Variants in ATRNL1 observed in about 807,000 individuals in gnomAD.
ATRNL1 encodes the protein attractin-like protein 1.
Under a neutral mutation model 182.7 loss-of-function variants are expected in ATRNL1, and 95 were observed. The observed-to-expected ratio is 0.52, with a 90% CI of 0.44 to 0.62. The LOEUF (loss-of-function observed/expected upper bound fraction) is 0.62. Ranked by LOEUF, ATRNL1 falls within the 20% of genes least tolerant of loss-of-function variation. The probability of loss-of-function intolerance (pLI) is 0.00; values close to 1 mark genes in which losing one functional copy is unlikely to be tolerated. For missense variants in ATRNL1, 1,471 were observed against 1,679.5 expected, an observed-to-expected ratio of 0.88 and a Z score of 2.17; for synonymous variants, 576 against 568.3, an observed-to-expected ratio of 1.01 and a Z score of -0.19.
At chr10:115,186,244 T>G (rs1237657430) in intron 8 of ATRNL1, among the ~76,000 whole-genome samples, 2 of 151,516 alleles carry the variant, frequency 1.3e-5, no homozygotes, top group Non-Finnish European at 2.9e-5. Context: ...AAGGGAGCCC[T>G]CATACATTAT....
intron 26 of ATRNL1, among the ~76,000 whole-genome samples, chr10:115,710,301 T>C (rs1459242953): frequency 6.6e-6 from 1 of 152,018 alleles, no homozygotes; most frequent in Non-Finnish European, 1.5e-5. Flanking sequence ...GCATAATAAA[T>C]AGAAAAGGGG....
intron 28 of ATRNL1, among the ~76,000 whole-genome samples, chr10:115,888,706 T>C (rs1952010236): frequency 6.6e-6 from 1 of 152,178 alleles, no homozygotes; most frequent in Non-Finnish European, 1.5e-5. Context: ...TAAACAGAAG[T>C]TGAATTTCAC....
chr10:115,592,314 G>C (rs186359217), intron 26 of ATRNL1, among the ~76,000 whole-genome samples: 4 of 152,120 alleles, frequency 2.6e-5, no homozygotes, highest in Non-Finnish European at 4.4e-5. Context: ...CTCCTGTAGA[G>C]ATCTAAAAGT....
At chr10:115,522,525 A>T (rs573901241) in intron 25 of ATRNL1, among the ~76,000 whole-genome samples, 1 of 152,208 alleles carries the variant, frequency 6.6e-6, no homozygotes, top group Admixed American at 6.5e-5. Flanking sequence ...ATGGGTATCA[A>T]ATTTCAATAT....
At chr10:115,723,828 C>CA (rs1555058901) in intron 26 of ATRNL1, among the ~76,000 whole-genome samples, 1 of 152,160 alleles carries the variant, frequency 6.6e-6, no homozygotes, top group Non-Finnish European at 1.5e-5. Context: ...AAAGTGCTTA[C>CA]AGGCGTGAGC....
At chr10:115,608,157 G>C (rs1380886918) in intron 26 of ATRNL1, among the ~76,000 whole-genome samples, 1 of 151,814 alleles carries the variant, frequency 6.6e-6, no homozygotes, top group Non-Finnish European at 1.5e-5. Context: ...AGTTTTTAAG[G>C]ACATGGTAAT....
chr10:115,171,126 A>G lies in ATRNL1; in HGVS notation c.1182A>G (p.Ser394=). The G allele has an allele frequency of 6.2e-7, 1 of 1,610,566 alleles. No individual in the cohort carries two copies. The highest frequency in any genetic ancestry group is 1.1e-5 in the South Asian group (1 of 90,698). ...ELWVFNIHSQ[S]WSTKTPTVLG... ...GGGTTTTTAACATACATAGTCAGTC[A>G]TGGAGTACAAAAACTCCTACTGTTC... The change falls in exon 8 of 29, where the codon TCA becomes TCG. Residue 394 remains serine (S), a synonymous_variant. Transcript: ENST00000355044.
intron 13 of ATRNL1, among the ~76,000 whole-genome samples, chr10:115,277,100 T>A (rs1852139220): frequency 6.6e-6 from 1 of 152,018 alleles, no homozygotes; most frequent in Non-Finnish European, 1.5e-5. Context: ...TTTAGAACTA[T>A]ACTGTAATGA....
At chr10:115,594,396 C>T (rs1260111250) in intron 26 of ATRNL1, among the ~76,000 whole-genome samples, 2 of 152,092 alleles carry the variant, frequency 1.3e-5, no homozygotes, top group African/African-American at 2.4e-5. Flanking sequence ...TAAACTTGCT[C>T]AAGGACTCAG....
intron 19 of ATRNL1, among the ~76,000 whole-genome samples, chr10:115,348,111 C>G (rs530842677): frequency 1.3e-5 from 2 of 152,012 alleles, no homozygotes; most frequent in African/African-American, 2.4e-5. Context: ...GTAGCTGGGA[C>G]GACAGGCACG....
At chr10:115,611,521 A>G (rs1294981398) in intron 26 of ATRNL1, among the ~76,000 whole-genome samples, 1 of 152,170 alleles carries the variant, frequency 6.6e-6, no homozygotes, top group East Asian at 1.9e-4. Context: ...TAAATTATTT[A>G]TTAACTACTG....
intron 8 of ATRNL1, among the ~76,000 whole-genome samples, chr10:115,179,068 C>A (rs1847646170): frequency 6.6e-6 from 1 of 152,064 alleles, no homozygotes; most frequent in South Asian, 2.1e-4. Context: ...CGATTTTCAT[C>A]ACACTTTCCT....
At chr10:115,439,346 T>G (rs782599570) in intron 21 of ATRNL1, among the ~76,000 whole-genome samples, 3 of 151,880 alleles carry the variant, frequency 2.0e-5, no homozygotes, top group Non-Finnish European at 2.9e-5. Flanking sequence ...TAAGTATACA[T>G]CATGTGAAAA....
chr10:115,149,226 A>G (rs1554880050), intron 5 of ATRNL1, among the ~76,000 whole-genome samples: 1 of 152,156 alleles, frequency 6.6e-6, no homozygotes, highest in African/African-American at 2.4e-5. Context: ...ACAAAAGGGA[A>G]GGGAAAATCT....
chr10:115,221,102 C>T (rs1342742441), intron 9 of ATRNL1, among the ~76,000 whole-genome samples: 1 of 152,158 alleles, frequency 6.6e-6, no homozygotes, highest in African/African-American at 2.4e-5. Context: ...ATAGGGTTTG[C>T]ACTCCTATGA....
In ATRNL1 at chr10:115,302,161, C is replaced by T. The variant is rs76393844; in HGVS notation, c.2818+118C>T. ...CAAAAAATGAGAAAAAATATTGTTA[C>T]GGCTACTTTTGAAACCAACTGGTAC... On this transcript the variant is annotated intron_variant, in intron 17 of 28. Transcript: ENST00000355044. The T allele has an allele frequency of 1.4e-3, 1,480 of 1,031,438 alleles. 21 individuals are homozygous for T. In the African/African-American group the frequency reaches 0.022, roughly 16 times the overall value. 63.9% of individuals were successfully genotyped at this position (1,031,438 alleles called of 1,614,324 possible).
At chr10:115,163,086 G>A (rs984299551) in intron 6 of ATRNL1, among the ~76,000 whole-genome samples, 16 of 151,440 alleles carry the variant, frequency 1.1e-4, no homozygotes, top group African/African-American at 3.9e-4. Flanking sequence ...TGTGGTCAAG[G>A]GGTTTTTCTT....
intron 25 of ATRNL1, among the ~76,000 whole-genome samples, chr10:115,527,963 T>C: frequency 1.1e-5 from 1 of 90,938 alleles, no homozygotes; most frequent in African/African-American, 4.6e-5. Flanking sequence ...TTTCCTTCCC[T>C]CCCTCCCTCC....
At chr10:115,119,454 T>G (rs180913792) in intron 1 of ATRNL1, among the ~76,000 whole-genome samples, 4 of 152,176 alleles carry the variant, frequency 2.6e-5, no homozygotes, top group African/African-American at 9.6e-5. Flanking sequence ...ACATTTTAAT[T>G]CTTTAAAATA....
Sources: gnomAD v4.1 joint callset for allele counts (sites outside exome capture counted in the v4.1 genomes callset) on GRCh38, gnomAD v4.1.1 for gene constraint, MANE v1.5 for transcripts, NCBI Gene and HGNC (gene_info 2026-07-23, HGNC 2026-07-21) for gene names.